Variants in CCAR1 observed in about 807,000 individuals in gnomAD.
CCAR1 encodes the protein cell division cycle and apoptosis regulator 1.
In CCAR1, 78 loss-of-function variants were observed where a neutral mutation model predicts 163.8. That is an observed-to-expected ratio of 0.48 (90% confidence interval 0.40 to 0.57). The LOEUF (loss-of-function observed/expected upper bound fraction) is 0.57. Ranked by LOEUF, CCAR1 falls within the 20% of genes least tolerant of loss-of-function variation. The probability of loss-of-function intolerance (pLI) is 0.00; values close to 1 mark genes in which losing one functional copy is unlikely to be tolerated. For synonymous variants in CCAR1, 443 were observed against 460.7 expected (o/e 0.96, Z 0.49); for missense variants, 1,019 against 1,365.2 (o/e 0.75, Z 4.00).
intron 18 of CCAR1, among the ~76,000 whole-genome samples, chr10:68,772,602 A>C (rs533536161): frequency 6.6e-6 from 1 of 152,020 alleles, no homozygotes; most frequent in Non-Finnish European, 1.5e-5. Flanking sequence ...TTAATTTAAA[A>C]CCATTTTAAG....
chr10:68,753,992 A>G lies in CCAR1; in HGVS notation c.1259A>G (p.Tyr420Cys). The change falls in exon 11 of 25, where the codon TAT becomes TGT. Residue 420 changes from tyrosine to cysteine, a missense_variant. Coordinates refer to ENST00000265872, the MANE Select transcript of CCAR1 (RefSeq NM_018237.4). ...PFQLGNYCNF[Y>C]VMHREVESLE... is the part of the protein sequence containing the mutation. ...CAGCTGGGAAATTACTGCAATTTTTATGTAATGCACAGAGAAGTAGAGTCC... is the reference window on the plus strand; with the variant it reads ...CAGCTGGGAAATTACTGCAATTTTTGTGTAATGCACAGAGAAGTAGAGTCC... 1 of 1,613,998 alleles carries G rather than the reference A, an allele frequency of 6.2e-7. No homozygotes were observed.
intron 2 of CCAR1, among the ~76,000 whole-genome samples, chr10:68,735,981 T>G (rs147945212): frequency 2.4e-4 from 37 of 152,182 alleles, no homozygotes; most frequent in African/African-American, 8.9e-4. Flanking sequence ...GCCTCCTGAG[T>G]TGCTGGTACT....
intron 19 of CCAR1, among the ~76,000 whole-genome samples, chr10:68,780,878 A>T (rs1407679688): frequency 2.6e-5 from 4 of 152,178 alleles, no homozygotes; most frequent in Non-Finnish European, 4.4e-5. Context: ...TCAACCTGCC[A>T]TTCCCCTATC....
chr10:68,763,188 G>A (rs530148101), intron 16 of CCAR1, among the ~76,000 whole-genome samples: 1 of 152,044 alleles, frequency 6.6e-6, no homozygotes, highest in Non-Finnish European at 1.5e-5. Flanking sequence ...GTCTCGCCCT[G>A]TTGCCAGGTT....
intron 16 of CCAR1, among the ~76,000 whole-genome samples, chr10:68,765,666 G>A (rs2056527157): frequency 6.6e-6 from 1 of 151,998 alleles, no homozygotes; most frequent in African/African-American, 2.4e-5. Context: ...TCTTATGCTG[G>A]GAAATCCAAA....
intron 13 of CCAR1, among the ~76,000 whole-genome samples, chr10:68,755,770 T>C (rs969118890): frequency 2.6e-5 from 4 of 152,262 alleles, no homozygotes; most frequent in African/African-American, 9.6e-5. Context: ...TGTTATGTTG[T>C]ACTTTGGAAG....
chr10:68,754,643 A>C, intron 11 of CCAR1, 71 bp from the exon 12 acceptor site: 1 of 747,744 alleles, frequency 1.3e-6, no homozygotes, highest in South Asian at 1.7e-5. Context: ...TTTAAAGATA[A>C]TTAGTAGTGC....
chr10:68,744,134 C>T (rs2056221811), intron 6 of CCAR1, among the ~76,000 whole-genome samples: 1 of 152,186 alleles, frequency 6.6e-6, no homozygotes, highest in Non-Finnish European at 1.5e-5. Context: ...ATCTGCACAC[C>T]TCAGCCCTGC....
intron 16 of CCAR1, among the ~76,000 whole-genome samples, chr10:68,764,051 A>C (rs2056507135): frequency 6.6e-6 from 1 of 152,172 alleles, no homozygotes; most frequent in African/African-American, 2.4e-5. Flanking sequence ...ATAGATATAT[A>C]GATAAGTAGA....
intron 2 of CCAR1, among the ~76,000 whole-genome samples, chr10:68,731,958 A>C (rs1448220783): frequency 6.6e-6 from 1 of 152,112 alleles, no homozygotes; most frequent in Non-Finnish European, 1.5e-5. Flanking sequence ...TGGGTATTGG[A>C]TGTCATCTTA....
At chr10:68,751,992 C>CT (rs1372039111) in intron 10 of CCAR1, among the ~76,000 whole-genome samples, 18 of 148,902 alleles carry the variant, frequency 1.2e-4, no homozygotes, top group African/African-American at 4.4e-4. Flanking sequence ...TCTCGGCCCA[C>CT]TGCAAGCTTT....
At chr10:68,790,290 G>C (rs2056838634) in intron 24 of CCAR1, among the ~76,000 whole-genome samples, 1 of 151,638 alleles carries the variant, frequency 6.6e-6, no homozygotes, top group Admixed American at 6.6e-5. Flanking sequence ...GTGAAGCAGA[G>C]GTTTCAGTGA....
intron 23 of CCAR1, 111 bp from the exon 24 acceptor site, chr10:68,789,598 AT>A (rs747650309): frequency 2.4e-5 from 16 of 654,242 alleles, no homozygotes; most frequent in Non-Finnish European, 3.9e-5. Flanking sequence ...AGACATTGCC[AT>A]TTTATGGAAT....
At position 68,786,657 on chromosome 10, in the gene CCAR1, C is replaced by T. The variant is rs374402888; in HGVS notation, c.2845C>T (p.Leu949Phe). The change falls in exon 21 of 25, where the codon CTT (leucine) becomes TTT (phenylalanine). Residue 949 changes from leucine to phenylalanine, a missense_variant. By Grantham distance (22) the Leu-to-Phe change is conservative. Transcript: ENST00000265872. ...YLLEKDLEEI[L>F]YTLGLHLSRA... The stretch of plus-strand genomic sequence containing the variant: ...TCTTGAAAAGGATTTGGAAGAAATA[C>T]TTTATACTCTTGGACTACATCTTTC... The T allele has an allele frequency of 3.7e-6, 6 of 1,602,562 alleles. No homozygotes were observed. The African/African-American group carries it at 6.7e-5, about 18-fold the overall frequency.
intron 19 of CCAR1, among the ~76,000 whole-genome samples, chr10:68,779,554 C>T (rs1245979670): frequency 1.3e-5 from 2 of 152,092 alleles, no homozygotes; most frequent in South Asian, 2.1e-4. Context: ...CCACCACGTC[C>T]GGCCTATCTT....
At chr10:68,791,120 A>G in intron 24 of CCAR1, 87 bp from the exon 25 acceptor site, 3 of 691,720 alleles carry the variant, frequency 4.3e-6, no homozygotes, top group Non-Finnish European at 7.0e-6. Context: ...AAAGTATACC[A>G]AACTGAATAC....
chr10:68,727,074 GTT>G (rs1417202441), intron 2 of CCAR1, among the ~76,000 whole-genome samples: 1 of 121,552 alleles, frequency 8.2e-6, no homozygotes, highest in African/African-American at 3.1e-5. Flanking sequence ...TTTTTTTTTT[GTT>G]TTTTTTTTTT....
intron 1 of CCAR1, 176 bp downstream of exon 1, chr10:68,721,458 G>T (rs1483374791): frequency 5.7e-6 from 2 of 353,760 alleles, no homozygotes; most frequent in East Asian, 1.2e-4. Context: ...TTTTGTGCGG[G>T]TCGGAGCAGG....
In CCAR1 at chr10:68,788,145, A is replaced by G; in HGVS notation, c.3004A>G (p.Asn1002Asp). The change falls in exon 23 of 25, where the codon AAC becomes GAC. Residue 1002 changes from asparagine (N) to aspartate (D), a missense_variant and splice_region_variant. Asn to Asp is a conservative substitution (Grantham distance 23). Transcript: ENST00000265872. ...ATATGGTATATTTTATATTATAGGAAACAGATTATTACTTCCAACACCAAC... is the reference window on the plus strand; with the variant it reads ...ATATGGTATATTTTATATTATAGGAGACAGATTATTACTTCCAACACCAAC... Reference protein sequence around the residue: ...SESLQEDMLGNRLLLPTPTVK... With the variant: ...SESLQEDMLGDRLLLPTPTVK... 2 of 1,559,474 alleles carry G rather than the reference A, an allele frequency of 1.3e-6. No individual in the cohort carries two copies. The highest frequency in any genetic ancestry group is 1.7e-6 in the Non-Finnish European group (2 of 1,159,146).
Sources: allele counts gnomAD v4.1 joint callset (sites outside exome capture counted in the v4.1 genomes callset), GRCh38; gene constraint gnomAD v4.1.1; transcripts MANE v1.5; gene names NCBI Gene and HGNC (gene_info 2026-07-23, HGNC 2026-07-21).